The following CHN2 variants were observed in gnomAD, a reference collection of about 807,000 sequenced individuals.
CHN2 encodes the protein beta-chimaerin.
Under a neutral mutation model 56.3 loss-of-function variants are expected in CHN2, and 35 were observed. That is an observed-to-expected ratio of 0.62 (90% CI 0.47 to 0.82). CHN2 has a LOEUF of 0.82. CHN2 is among the 40% of genes least tolerant of loss of function. The pLI, the probability that CHN2 is intolerant of heterozygous loss-of-function variation, is 0.00. For synonymous variants in CHN2, 210 were observed against 212.8 expected, an observed-to-expected ratio of 0.99 and a Z score of 0.12; for missense variants, 491 against 580.5, an observed-to-expected ratio of 0.85 and a Z score of 1.58.
At chr7:29,234,338 G>A (rs578234739) in intron 1 of CHN2, among the ~76,000 whole-genome samples, 2 of 152,296 alleles carry the variant, frequency 1.3e-5, no homozygotes, top group East Asian at 1.9e-4. Flanking sequence ...TGGTAATGAC[G>A]TAATGTCTGG....
chr7:29,458,621 G>C (rs1215444720), intron 6 of CHN2, among the ~76,000 whole-genome samples: 1 of 152,142 alleles, frequency 6.6e-6, no homozygotes, highest in Non-Finnish European at 1.5e-5. Flanking sequence ...CCTCACTTTA[G>C]AAGTGAGGAA....
chr7:29,263,411 C>G (rs186893231), intron 1 of CHN2, among the ~76,000 whole-genome samples: 23 of 152,334 alleles, frequency 1.5e-4, no homozygotes, highest in Non-Finnish European at 2.5e-4. Flanking sequence ...GCCTTGGCCT[C>G]CCAAGGTGCT....
intron 6 of CHN2, among the ~76,000 whole-genome samples, chr7:29,443,236 G>A (rs1006307238): frequency 5.3e-5 from 8 of 152,140 alleles, no homozygotes; most frequent in South Asian, 4.2e-4. Flanking sequence ...CACTGTGCCC[G>A]GCCCAATTTC....
chr7:29,226,607 G>A (rs1036474923), intron 1 of CHN2, among the ~76,000 whole-genome samples: 4 of 151,926 alleles, frequency 2.6e-5, no homozygotes, highest in African/African-American at 9.7e-5. Context: ...CGTAGGGAGT[G>A]GAACACTCAC....
At chr7:29,234,084 C>T (rs182897023) in intron 1 of CHN2, among the ~76,000 whole-genome samples, 3 of 151,566 alleles carry the variant, frequency 2.0e-5, no homozygotes, top group Admixed American at 6.6e-5. Flanking sequence ...CCGCCCGCCT[C>T]GGCCTCCCAA....
intron 3 of CHN2, among the ~76,000 whole-genome samples, chr7:29,377,820 C>T (rs1800192099): frequency 6.6e-6 from 1 of 152,204 alleles, no homozygotes; most frequent in Admixed American, 6.5e-5. Flanking sequence ...GACGGAAAAG[C>T]AAGCTCTGCT....
rs150457524 is a variant in CHN2 at position 29,267,204 on chromosome 7, G to T, written c.49+72214G>T. ...CTGTATCTTTATGGGACAACTCAGC[G>T]CCCTCTGTACATTAGGCACTAAGTG... On this transcript the variant is annotated intron_variant, in intron 1 of 12. Coordinates refer to ENST00000222792, the MANE Select transcript of CHN2 (RefSeq NM_004067.4). Among the ~76,000 whole-genome samples, 44 of 151,598 alleles carry T rather than the reference G, an allele frequency of 2.9e-4. 1 individual carries two copies. The highest frequency in any genetic ancestry group is 2.8e-4 in the Non-Finnish European group (19 of 67,920).
intron 2 of CHN2, among the ~76,000 whole-genome samples, chr7:29,365,591 A>G (rs1799089766): frequency 6.6e-6 from 1 of 152,220 alleles, no homozygotes; most frequent in African/African-American, 2.4e-5. Flanking sequence ...GAGGTAGAGA[A>G]GGAGGAGAGG....
intron 6 of CHN2, among the ~76,000 whole-genome samples, chr7:29,413,442 T>C (rs1309048927): frequency 6.6e-6 from 1 of 152,160 alleles, no homozygotes; most frequent in East Asian, 1.9e-4. Flanking sequence ...TCCATGAAAA[T>C]AATTCATGAT....
chr7:29,455,307 T>C (rs1164357113), intron 6 of CHN2, among the ~76,000 whole-genome samples: 3 of 152,174 alleles, frequency 2.0e-5, no homozygotes, highest in African/African-American at 7.2e-5. Flanking sequence ...TTAGTAATCA[T>C]AATAAGAGTG....
chr7:29,260,320 A>G (rs908321364), intron 1 of CHN2, among the ~76,000 whole-genome samples: 1 of 152,190 alleles, frequency 6.6e-6, no homozygotes, highest in Non-Finnish European at 1.5e-5. Context: ...TGCATTATCC[A>G]TTAAAAAATA....
intron 1 of CHN2, among the ~76,000 whole-genome samples, chr7:29,231,639 G>C (rs1159857445): frequency 6.6e-6 from 1 of 152,148 alleles, no homozygotes; most frequent in African/African-American, 2.4e-5. Context: ...CACTTTTGGG[G>C]GTGGATGTTT....
intron 2 of CHN2, among the ~76,000 whole-genome samples, chr7:29,188,438 T>C (rs16874871): frequency 0.034 from 5,157 of 152,300 alleles, 309 homozygotes; most frequent in East Asian, 0.19. Context: ...GGAATATTTG[T>C]AAAAGGCCAA....
intron 1 of CHN2, among the ~76,000 whole-genome samples, chr7:29,346,708 C>T (rs1328179859): frequency 6.6e-6 from 1 of 152,178 alleles, no homozygotes; most frequent in Non-Finnish European, 1.5e-5. Context: ...TTTTCCAAAG[C>T]CTCTACCTGT....
At chr7:29,211,076 T>C (rs1245311335) in intron 1 of CHN2, among the ~76,000 whole-genome samples, 1 of 151,254 alleles carries the variant, frequency 6.6e-6, no homozygotes, top group Non-Finnish European at 1.5e-5. Flanking sequence ...TTTTTGTTGT[T>C]GTTGTTGTTG....
At chr7:29,460,612 A>G (rs1274106302) in intron 6 of CHN2, among the ~76,000 whole-genome samples, 1 of 152,228 alleles carries the variant, frequency 6.6e-6, no homozygotes, top group Non-Finnish European at 1.5e-5. Flanking sequence ...GTGTTGGAAG[A>G]GGCAAAGATC....
At position 29,400,803 on chromosome 7, in the gene CHN2, A is replaced by G. The variant is rs201278138; in HGVS notation, c.551A>G (p.His184Arg). The change falls in exon 6 of 13, where the codon CAT (histidine) becomes CGT (arginine). Residue 184 changes from histidine (H) to arginine (R), a missense_variant. By Grantham distance (29) the His-to-Arg change is conservative. Transcript: ENST00000222792. ...KNEPRKTNVT[H>R]EEHTAVEKIS... ...GAACCAAGAAAAACAAACGTCACAC[A>G]TGAAGAACACACAGCGGTGGAAAAG... 2.5e-5 allele frequency: 41 copies of G among 1,613,868 alleles called. No individual in the cohort carries two copies. The highest frequency in any genetic ancestry group is 3.5e-5 in the Non-Finnish European group (41 of 1,179,976).
At chr7:29,463,196 G>A (rs1785301369) in intron 6 of CHN2, among the ~76,000 whole-genome samples, 1 of 152,060 alleles carries the variant, frequency 6.6e-6, no homozygotes, top group South Asian at 2.1e-4. Context: ...CACCTAGAAT[G>A]TGCTGGCAAC....
intron 1 of CHN2, among the ~76,000 whole-genome samples, chr7:29,343,248 C>T (rs1172439213): frequency 6.6e-6 from 1 of 152,162 alleles, no homozygotes; most frequent in East Asian, 1.9e-4. Flanking sequence ...GCATCTCCAG[C>T]TGGCTGTGAT....
Sources: allele counts gnomAD v4.1 joint callset (sites outside exome capture counted in the v4.1 genomes callset), GRCh38; gene constraint gnomAD v4.1.1; transcripts MANE v1.5; gene names NCBI Gene and HGNC (gene_info 2026-07-23, HGNC 2026-07-21).